Variants in NCALD observed in about 807,000 individuals in gnomAD.
The protein encoded by NCALD is neurocalcin-delta.
Under a neutral mutation model 18.6 loss-of-function variants are expected in NCALD, and 10 were observed. The observed-to-expected ratio is 0.54, with a 90% confidence interval of 0.33 to 0.91. The LOEUF is 0.91. Among genes scored for constraint, NCALD ranks in the 40% least tolerant of loss-of-function variants. The pLI is 0.03. For synonymous variants in NCALD, 88 were observed against 87.4 expected, an observed-to-expected ratio of 1.01 and a Z score of -0.04; for missense variants, 184 against 247.6, an observed-to-expected ratio of 0.74 and a Z score of 1.72.
At chr8:101,878,802 T>G (rs1816338585) in intron 4 of NCALD, among the ~76,000 whole-genome samples, 1 of 152,220 alleles carries the variant, frequency 6.6e-6, no homozygotes, top group Non-Finnish European at 1.5e-5. Context: ...CAAGATCTAA[T>G]CCAAGCTACT....
chr8:102,019,769 T>A (rs1481826068), intron 2 of NCALD, among the ~76,000 whole-genome samples: 4 of 152,136 alleles, frequency 2.6e-5, no homozygotes, highest in Non-Finnish European at 4.4e-5. Context: ...AGCTTAACAT[T>A]AGAAAATCCA....
At chr8:101,954,151 G>A (rs1053692362) in intron 2 of NCALD, among the ~76,000 whole-genome samples, 1 of 152,216 alleles carries the variant, frequency 6.6e-6, no homozygotes, top group African/African-American at 2.4e-5. Flanking sequence ...TCCTATGGCA[G>A]AAGGAGCCTC....
At chr8:102,066,434 C>T (rs1366376417) in intron 1 of NCALD, among the ~76,000 whole-genome samples, 1 of 152,198 alleles carries the variant, frequency 6.6e-6, no homozygotes, top group African/African-American at 2.4e-5. Context: ...TATTGCATTG[C>T]TCACAGTCGG....
intron 2 of NCALD, among the ~76,000 whole-genome samples, chr8:101,704,898 G>A (rs1198601457): frequency 2.7e-5 from 4 of 146,318 alleles, no homozygotes; most frequent in Non-Finnish European, 4.5e-5. Context: ...CAGCCTAGGC[G>A]ACAAGAGCGA....
intron 2 of NCALD, among the ~76,000 whole-genome samples, chr8:101,962,819 T>A (rs1180087545): frequency 6.6e-6 from 1 of 152,216 alleles, no homozygotes; most frequent in African/African-American, 2.4e-5. Context: ...CAATAACTTA[T>A]AATTGACCCC....
At chr8:101,761,490 G>C (rs1485760002) in intron 1 of NCALD, among the ~76,000 whole-genome samples, 1 of 152,120 alleles carries the variant, frequency 6.6e-6, no homozygotes, top group Non-Finnish European at 1.5e-5. Flanking sequence ...GGTTTTGGCA[G>C]TATAATAAAA....
chr8:101,754,734 G>A (rs1223101254), intron 1 of NCALD, among the ~76,000 whole-genome samples: 2 of 152,174 alleles, frequency 1.3e-5, no homozygotes, highest in Admixed American at 6.5e-5. Flanking sequence ...GGAGGGTTAA[G>A]TTCAAGGTCT....
rs573534926 is a variant in NCALD at position 101,691,663 on chromosome 8, T to A, written c.484+1128A>T. On this transcript the variant is annotated intron_variant, in intron 3 of 3. Coordinates refer to ENST00000220931, the MANE Select transcript of NCALD (RefSeq NM_032041.3). ...GTGAATCAAAGCAAATAAGGGGACA[T>A]AGGATGTTTCCAAATGGAATGGCAC... The A allele has an allele frequency of 2.7e-5, 27 of 985,380 alleles. No homozygotes were observed. In the East Asian group the frequency reaches 2.7e-3, roughly 99 times the overall value. The allele number at this position is 985,380 out of a possible 1,614,324, so 61.0% of individuals were successfully genotyped here. A position where few individuals can be genotyped will look rare whatever the true frequency, so the allele number is the denominator to read the frequency against.
intron 2 of NCALD, among the ~76,000 whole-genome samples, chr8:102,002,629 A>C (rs1364484894): frequency 2.6e-5 from 4 of 152,226 alleles, no homozygotes; most frequent in African/African-American, 9.6e-5. Flanking sequence ...AGTTGGAAGT[A>C]AAGCACTCCT....
chr8:101,890,317 G>C (rs1481592326), intron 3 of NCALD, among the ~76,000 whole-genome samples: 2 of 152,158 alleles, frequency 1.3e-5, no homozygotes, highest in Admixed American at 6.5e-5. Flanking sequence ...AGTGGGGGTA[G>C]AAATTGATAT....
chr8:101,698,132 C>T (rs752021891), intron 2 of NCALD, among the ~76,000 whole-genome samples: 20 of 152,122 alleles, frequency 1.3e-4, no homozygotes, highest in Non-Finnish European at 2.9e-4. Flanking sequence ...CATTTCTATA[C>T]ACCAACAATA....
At chr8:101,845,292 T>C (rs754601332) in intron 4 of NCALD, among the ~76,000 whole-genome samples, 11 of 152,208 alleles carry the variant, frequency 7.2e-5, no homozygotes, top group Non-Finnish European at 1.2e-4. Context: ...TAACAAAGAG[T>C]TCTCAGGCTG....
At chr8:102,014,127 T>TTC (rs1821998955) in intron 2 of NCALD, among the ~76,000 whole-genome samples, 1 of 152,224 alleles carries the variant, frequency 6.6e-6, no homozygotes, top group Non-Finnish European at 1.5e-5. Context: ...CATGTGAGTC[T>TTC]CTGTCCATTT....
chr8:102,005,345 T>C (rs1407452952), intron 2 of NCALD, among the ~76,000 whole-genome samples: 1 of 152,214 alleles, frequency 6.6e-6, no homozygotes. Flanking sequence ...TCACACCAGT[T>C]AGAATGGCGA....
chr8:101,904,264 AAAG>A (rs1229022730), intron 3 of NCALD, among the ~76,000 whole-genome samples: 20 of 152,154 alleles, frequency 1.3e-4, no homozygotes, highest in African/African-American at 9.7e-5. Flanking sequence ...TGCAATCAGC[AAAG>A]AAGGAGTATT....
At chr8:101,829,974 G>GT (rs35295834) in intron 4 of NCALD, among the ~76,000 whole-genome samples, 58,734 of 116,088 alleles carry the variant, frequency 0.51, 16,502 homozygotes, top group Non-Finnish European at 0.63. Context: ...AGTCACATGG[G>GT]TTTTTTTTTT....
At chr8:102,023,584 T>C (rs1822354740) in intron 1 of NCALD, among the ~76,000 whole-genome samples, 1 of 152,214 alleles carries the variant, frequency 6.6e-6, no homozygotes, top group Middle Eastern at 3.2e-3. Context: ...TTGTGTAAAC[T>C]CTCTGTCTCA....
rs866953298 is a variant in NCALD at position 102,034,463 on chromosome 8, G to A, written c.-209-14174C>T. Among the ~76,000 whole-genome samples the A allele has an allele frequency of 7.2e-5, 11 of 152,300 alleles. No homozygotes were observed. In the South Asian group the frequency reaches 8.3e-4, roughly 11 times the overall value. On this transcript the variant is annotated intron_variant, in intron 1 of 6. Transcript: ENST00000311028. ...GAGGGCTGTGTATGGATGAAAAAGAGACAAAGGGGTGGACTGTGCCTAACA... is the reference window on the plus strand; with the variant it reads ...GAGGGCTGTGTATGGATGAAAAAGAAACAAAGGGGTGGACTGTGCCTAACA...
intron 4 of NCALD, among the ~76,000 whole-genome samples, chr8:101,826,174 G>A (rs1177947157): frequency 6.6e-6 from 1 of 152,256 alleles, no homozygotes; most frequent in East Asian, 1.9e-4. Flanking sequence ...CAAGATACTG[G>A]GGAAGACAGC....
Sources: gnomAD v4.1 joint callset for allele counts (sites outside exome capture counted in the v4.1 genomes callset) on GRCh38, gnomAD v4.1.1 for gene constraint, MANE v1.5 for transcripts, NCBI Gene and HGNC (gene_info 2026-07-23, HGNC 2026-07-21) for gene names.